Variants in BARD1 observed in about 807,000 individuals in gnomAD.
BARD1 encodes BRCA1 associated RING domain 1, also known as BRCA1-associated RING domain protein 1.
Under a neutral mutation model 77.0 loss-of-function variants are expected in BARD1, and 73 were observed. That is an observed-to-expected ratio of 0.95 (90% CI 0.79 to 1.15). The LOEUF is 1.15. Among genes scored for constraint, BARD1 ranks in the 50% most tolerant of loss-of-function variants. BARD1 has a pLI of 0.00. For synonymous variants in BARD1, 384 were observed against 338.0 expected, an observed-to-expected ratio of 1.14 and a Z score of -1.49; for missense variants, 993 against 938.8, an observed-to-expected ratio of 1.06 and a Z score of -0.75.
intron 7 of BARD1, among the ~76,000 whole-genome samples, chr2:214,750,565 G>C (rs1225914086): frequency 6.6e-6 from 1 of 152,096 alleles, no homozygotes; most frequent in Non-Finnish European, 1.5e-5. Flanking sequence ...GGGGAATGTT[G>C]GCTGTTACAC....
At chr2:214,736,706 T>C (rs1254974160) in intron 9 of BARD1, among the ~76,000 whole-genome samples, 4 of 151,428 alleles carry the variant, frequency 2.6e-5, no homozygotes, top group Non-Finnish European at 5.9e-5. Flanking sequence ...CCAGTAAGTA[T>C]GGCATCAAAA....
At chr2:214,729,069 T>C (rs1692234547) in intron 10 of BARD1, 61 bp from the exon 11 acceptor site, 2 of 1,475,118 alleles carry the variant, frequency 1.4e-6, no homozygotes, top group Admixed American at 3.6e-5. Flanking sequence ...AAAAACACTG[T>C]ATATGAATGA....
At chr2:214,754,158 T>C (rs928689826) in intron 6 of BARD1, among the ~76,000 whole-genome samples, 5 of 151,712 alleles carry the variant, frequency 3.3e-5, no homozygotes, top group African/African-American at 4.8e-5. Context: ...AATCAAAAAA[T>C]AGAAATCTGA....
intron 6 of BARD1, among the ~76,000 whole-genome samples, chr2:214,766,542 T>C (rs1559408383): frequency 3.9e-5 from 6 of 152,228 alleles, no homozygotes; most frequent in Admixed American, 3.3e-4. Flanking sequence ...TGTTTCTGAA[T>C]TAAGAAAGTA....
intron 1 of BARD1, among the ~76,000 whole-genome samples, chr2:214,800,688 T>G (rs1025016268): frequency 6.6e-6 from 1 of 152,106 alleles, no homozygotes; most frequent in African/African-American, 2.4e-5. Context: ...AATGAAACTT[T>G]CAAACATCAA....
chr2:214,764,871 G>C (rs147895002), intron 6 of BARD1, among the ~76,000 whole-genome samples: 1 of 152,228 alleles, frequency 6.6e-6, no homozygotes, highest in East Asian at 1.9e-4. Flanking sequence ...CAGGAAAAAA[G>C]TATGAAGACC....
intron 9 of BARD1, among the ~76,000 whole-genome samples, chr2:214,738,682 C>T (rs1207534382): frequency 6.6e-6 from 1 of 151,810 alleles, no homozygotes; most frequent in Non-Finnish European, 1.5e-5. Flanking sequence ...TTCCTGAATC[C>T]ACAGTTATAC....
In BARD1 at chr2:214,767,643, G is replaced by T. The variant is rs1553619349; in HGVS notation, c.1407C>A (p.Cys469Ter). 6.2e-7 allele frequency: 1 copy of T among 1,613,930 alleles called. No homozygotes were observed. Among genetic ancestry groups the T allele is most frequent in the African/African-American group, 1.3e-5 (1 of 75,030 alleles). ...CCACTACCTTCAGGTGCCCATGATT[G>T]CAAGCTTCATGCTAATTAAATTTTT... ...HAGWTPLHEA[C>*]NHGHLKVVEL... Residue 469 changes from cysteine (C) to a stop codon, truncating the protein, a stop_gained, in exon 6 of 11, where the codon TGC (cysteine) becomes TGA (stop). Coordinates refer to ENST00000260947, the MANE Select transcript of BARD1 (RefSeq NM_000465.4). LOFTEE classifies it high-confidence loss of function.
chr2:214,730,235 C>T (rs1359832093), intron 10 of BARD1, 176 bp downstream of exon 10: 3 of 634,506 alleles, frequency 4.7e-6, no homozygotes, highest in Non-Finnish European at 8.4e-6. Flanking sequence ...AAATTATTAC[C>T]TTCTGGATTT....
At chr2:214,747,567 G>T (rs1693186569) in intron 7 of BARD1, among the ~76,000 whole-genome samples, 1 of 151,594 alleles carries the variant, frequency 6.6e-6, no homozygotes, top group Non-Finnish European at 1.5e-5. Flanking sequence ...GGACATGGAT[G>T]AAACTGGAAA....
chr2:214,731,882 CA>C (rs1180853371), intron 9 of BARD1, among the ~76,000 whole-genome samples: 1 of 152,106 alleles, frequency 6.6e-6, no homozygotes, highest in Non-Finnish European at 1.5e-5. Flanking sequence ...CATAAAGGAA[CA>C]AAAGTTTTTA....
intron 3 of BARD1, among the ~76,000 whole-genome samples, chr2:214,788,265 G>A (rs951093858): frequency 1.3e-5 from 2 of 151,562 alleles, no homozygotes; most frequent in Admixed American, 1.3e-4. Context: ...TAATATGATA[G>A]GGTTGAAGAG....
intron 6 of BARD1, among the ~76,000 whole-genome samples, chr2:214,755,211 A>T (rs1361937963): frequency 1.3e-5 from 2 of 152,212 alleles, no homozygotes; most frequent in Admixed American, 1.3e-4. Context: ...TAAATAGAGA[A>T]GTCAGTGATA....
At chr2:214,803,258 CT>C (rs1266027440) in intron 1 of BARD1, among the ~76,000 whole-genome samples, 1 of 151,928 alleles carries the variant, frequency 6.6e-6, no homozygotes, top group Non-Finnish European at 1.5e-5. Flanking sequence ...GAAATATGGC[CT>C]TGTGGGAAGG....
chr2:214,794,016 C>T (rs559174671), intron 2 of BARD1, among the ~76,000 whole-genome samples: 4 of 152,134 alleles, frequency 2.6e-5, no homozygotes, highest in African/African-American at 9.6e-5. Context: ...CTTTGGGAGG[C>T]CGAGACAAGA....
At chr2:214,788,973 T>C (rs1253733718) in intron 3 of BARD1, among the ~76,000 whole-genome samples, 1 of 152,084 alleles carries the variant, frequency 6.6e-6, no homozygotes, top group Non-Finnish European at 1.5e-5. Flanking sequence ...GGCTAGTTTG[T>C]TTTGGGAAGA....
At chr2:214,770,210 T>A (rs927281517) in intron 4 of BARD1, among the ~76,000 whole-genome samples, 3 of 152,192 alleles carry the variant, frequency 2.0e-5, no homozygotes, top group Non-Finnish European at 4.4e-5. Flanking sequence ...TAGCATTAAA[T>A]TTTTTATCCC....
At chr2:214,740,915 T>A (rs1692795000) in intron 9 of BARD1, among the ~76,000 whole-genome samples, 1 of 152,080 alleles carries the variant, frequency 6.6e-6, no homozygotes, top group African/African-American at 2.4e-5. Context: ...TTTTTTTAAA[T>A]AATTAGCAAA....
intron 7 of BARD1, among the ~76,000 whole-genome samples, chr2:214,749,758 T>C (rs1693315137): frequency 6.8e-6 from 1 of 148,106 alleles, no homozygotes; most frequent in South Asian, 2.2e-4. Context: ...TTTTAACTGG[T>C]CCATTAATAA....
Sources: gnomAD v4.1 joint callset for allele counts (sites outside exome capture counted in the v4.1 genomes callset) on GRCh38, gnomAD v4.1.1 for gene constraint, MANE v1.5 for transcripts, NCBI Gene and HGNC (gene_info 2026-07-23, HGNC 2026-07-21) for gene names.